AMPH: variants seen among roughly 807,000 people sequenced by gnomAD.
AMPH encodes the protein amphiphysin (Stiff-Mann syndrome with breast cancer 128kD autoantigen).
A neutral mutation model predicts 99.1 loss-of-function variants in AMPH; 49 were observed. That is an observed-to-expected ratio of 0.49 (90% CI 0.39 to 0.63). AMPH has a LOEUF of 0.63. AMPH is among the 20% of genes least tolerant of loss of function. The probability of loss-of-function intolerance (pLI) is 0.00; values close to 1 mark genes in which losing one functional copy is unlikely to be tolerated. For missense variants in AMPH, 759 were observed against 863.4 expected (o/e 0.88, Z 1.52); for synonymous variants, 314 against 317.3 (o/e 0.99, Z 0.11).
At chr7:38,427,881 C>G in intron 14 of AMPH, 1 of 456,652 alleles carries the variant, frequency 2.2e-6, no homozygotes, top group South Asian at 1.5e-5. Context: ...CAATCCATAT[C>G]TCTGGTTAGC....
chr7:38,464,423 T>A (rs1416213451), intron 9 of AMPH, among the ~76,000 whole-genome samples: 1 of 152,200 alleles, frequency 6.6e-6, no homozygotes, highest in Non-Finnish European at 1.5e-5. Flanking sequence ...TACTACTGCT[T>A]ACATAGTATA....
chr7:38,616,512 G>T (rs1487784634), intron 1 of AMPH, among the ~76,000 whole-genome samples: 3 of 152,110 alleles, frequency 2.0e-5, no homozygotes, highest in East Asian at 1.9e-4. Context: ...TAAATAAGTG[G>T]TTTTTTCTAC....
At chr7:38,432,074 T>TATC (rs1562750589) in intron 13 of AMPH, 115 bp downstream of exon 13, 1 of 922,274 alleles carries the variant, frequency 1.1e-6, no homozygotes, top group South Asian at 1.3e-5. Flanking sequence ...TAGGGGACTA[T>TATC]ATCATCATTA....
At chr7:38,604,003 T>C (rs541519165) in intron 1 of AMPH, among the ~76,000 whole-genome samples, 41 of 152,360 alleles carry the variant, frequency 2.7e-4, no homozygotes, top group Non-Finnish European at 4.4e-4. Context: ...TTAGGTTACA[T>C]GTCAGAAATA....
intron 2 of AMPH, among the ~76,000 whole-genome samples, chr7:38,515,845 G>A (rs1584192423): frequency 6.6e-6 from 1 of 152,242 alleles, no homozygotes; most frequent in Admixed American, 6.5e-5. Context: ...CTCAGATGGA[G>A]ATGAGGAACT....
intron 1 of AMPH, among the ~76,000 whole-genome samples, chr7:38,605,768 G>C (rs569713718): frequency 2.0e-5 from 3 of 152,080 alleles, no homozygotes; most frequent in South Asian, 2.1e-4. Flanking sequence ...TTTAAGTAGA[G>C]ACAGGGTTTC....
intron 1 of AMPH, among the ~76,000 whole-genome samples, chr7:38,566,442 C>T (rs141800578): frequency 0.066 from 9,967 of 152,120 alleles, 384 homozygotes; most frequent in East Asian, 0.11. Context: ...ACCATAAAAA[C>T]CGTAGAAGAA....
intron 3 of AMPH, among the ~76,000 whole-genome samples, chr7:38,501,470 G>A (rs1226549437): frequency 6.6e-6 from 1 of 152,116 alleles, no homozygotes; most frequent in Non-Finnish European, 1.5e-5. Flanking sequence ...AAGGTGGTGT[G>A]AGCCACTGTG....
chr7:38,516,267 C>A (rs1789736795), intron 2 of AMPH, among the ~76,000 whole-genome samples: 1 of 152,158 alleles, frequency 6.6e-6, no homozygotes, highest in African/African-American at 2.4e-5. Context: ...GGCCCTGAGG[C>A]CTAGAAGGAA....
intron 15 of AMPH, among the ~76,000 whole-genome samples, chr7:38,423,225 A>G (rs911685524): frequency 1.4e-4 from 21 of 152,240 alleles, no homozygotes; most frequent in African/African-American, 5.1e-4. Flanking sequence ...TGTATGAACC[A>G]TATGTTAACA....
At position 38,471,195 on chromosome 7, in the gene AMPH, C is replaced by T. The variant is rs141086565; in HGVS notation, c.590+4136G>A. ...ACACTATCACTCTGACCCTGAGTTA[C>T]ATTAGACTAAAGTTCCATGAACCCA... On this transcript the variant is annotated intron_variant, in intron 7 of 20. Coordinates refer to ENST00000356264, the MANE Select transcript of AMPH (RefSeq NM_001635.4). Among the ~76,000 whole-genome samples the T allele has an allele frequency of 1.5e-3, 230 of 152,312 alleles. 1 individual carries two copies. Among genetic ancestry groups the T allele is most frequent in the Non-Finnish European group, 2.4e-3 (166 of 68,006 alleles).
intron 17 of AMPH, among the ~76,000 whole-genome samples, 200 bp from the exon 18 acceptor site, chr7:38,394,414 AT>A (rs1472451181): frequency 6.6e-6 from 1 of 152,118 alleles, no homozygotes; most frequent in Non-Finnish European, 1.5e-5. Context: ...GCTCCCAACA[AT>A]TCTACACTCC....
intron 10 of AMPH, among the ~76,000 whole-genome samples, 182 bp downstream of exon 10, chr7:38,462,793 T>A (rs914203933): frequency 5.3e-5 from 8 of 152,080 alleles, no homozygotes; most frequent in Non-Finnish European, 1.0e-4. Context: ...TGAGGAAATA[T>A]CAAGTCAAAT....
intron 16 of AMPH, 44 bp from the exon 17 acceptor site, chr7:38,417,994 G>A (rs1378060523): frequency 1.3e-6 from 2 of 1,596,020 alleles, no homozygotes; most frequent in Admixed American, 1.7e-5. Context: ...AGATTCAACA[G>A]GTAAATAGAT....
intron 5 of AMPH, among the ~76,000 whole-genome samples, chr7:38,489,565 A>G (rs1788642615): frequency 6.6e-6 from 1 of 152,198 alleles, no homozygotes; most frequent in Non-Finnish European, 1.5e-5. Context: ...AGCAAAAGAA[A>G]CAATCAAGAG....
chr7:38,612,066 A>C lies in AMPH; in HGVS notation c.69+19217T>G, dbSNP rs565677809. 4.7e-5 allele frequency among the ~76,000 whole-genome samples: 7 copies of C among 148,400 alleles called. No homozygotes were observed. The Admixed American group carries it at 4.8e-4, about 10-fold the overall frequency. ...ATTCTAAGTTCAATAAACACTGCTA[A>C]GACTGATTTTTTGTCTTCTTCTTTT... is the stretch of plus-strand genomic sequence containing the variant. On this transcript the variant is annotated intron_variant, in intron 1 of 20. Transcript: ENST00000356264.
At chr7:38,459,592 G>A (rs1787362362) in intron 11 of AMPH, among the ~76,000 whole-genome samples, 1 of 151,990 alleles carries the variant, frequency 6.6e-6, no homozygotes, top group African/African-American at 2.4e-5. Context: ...AACATATACT[G>A]GGGAAAGGAC....
At chr7:38,549,934 T>G (rs74967888) in intron 1 of AMPH, among the ~76,000 whole-genome samples, 4,393 of 152,330 alleles carry the variant, frequency 0.029, 145 homozygotes, top group East Asian at 0.14. Context: ...TTCTAAAACT[T>G]TAGGTTTTGT....
chr7:38,470,194 T>G (rs147903802), intron 7 of AMPH, among the ~76,000 whole-genome samples: 1 of 152,160 alleles, frequency 6.6e-6, no homozygotes, highest in African/African-American at 2.4e-5. Flanking sequence ...AACTATGCCA[T>G]CTTCTCAAAA....
Sources: allele counts gnomAD v4.1 joint callset (sites outside exome capture counted in the v4.1 genomes callset), GRCh38; gene constraint gnomAD v4.1.1; transcripts MANE v1.5; gene names NCBI Gene and HGNC (gene_info 2026-07-23, HGNC 2026-07-21).